TRPM6: variants seen among roughly 807,000 people sequenced by gnomAD.
The protein encoded by TRPM6 is transient receptor potential cation channel subfamily M member 6, also known as channel kinase 2.
TRPM6 carries 111 observed loss-of-function variants against 247.6 expected under a neutral mutation model. That is an observed-to-expected ratio of 0.45 (90% CI 0.38 to 0.52). TRPM6 has a LOEUF of 0.52. TRPM6 is among the 20% of genes least tolerant of loss of function. The pLI is 0.00. For missense variants in TRPM6, 2,126 were observed against 2,421.5 expected, an observed-to-expected ratio of 0.88 and a Z score of 2.56; for synonymous variants, 892 against 853.8, an observed-to-expected ratio of 1.04 and a Z score of -0.78.
intron 1 of TRPM6, among the ~76,000 whole-genome samples, chr9:74,862,850 G>A (rs1028526044): frequency 4.6e-5 from 7 of 151,518 alleles, no homozygotes; most frequent in East Asian, 2.0e-4. Flanking sequence ...ACGTGGTGTC[G>A]GGCGCCTATA....
At chr9:74,812,185 C>A (rs1304555251) in intron 12 of TRPM6, 114 bp downstream of exon 12, 3 of 1,383,884 alleles carry the variant, frequency 2.2e-6, no homozygotes, top group Admixed American at 3.4e-5. Flanking sequence ...ATAGGGAAGT[C>A]CAGCTACTTC....
rs138532903 is a variant in TRPM6 at position 74,724,205 on chromosome 9, G to A, written c.*408C>T. On this transcript the variant is annotated 3_prime_UTR_variant, in exon 39 of 39. Transcript: ENST00000360774. ...ATATAGACATAAATACAATCTGTGG[G>A]TGAGGTGACAAATAGTAGTAGGGGG... 205 of 256,552 alleles carry A rather than the reference G, an allele frequency of 8.0e-4. No homozygotes were observed. Among genetic ancestry groups the A allele is most frequent in the African/African-American group, 4.4e-3 (197 of 45,150 alleles). 15.9% of individuals were successfully genotyped at this position (256,552 alleles called of 1,614,324 possible).
At chr9:74,779,914 CTG>C (rs2118911419) in intron 23 of TRPM6, among the ~76,000 whole-genome samples, 1 of 152,358 alleles carries the variant, frequency 6.6e-6, no homozygotes, top group Non-Finnish European at 1.5e-5. Flanking sequence ...TGGCTCACAC[CTG>C]TAATCCCAGC....
intron 22 of TRPM6, 24 bp from the exon 23 acceptor site, chr9:74,782,500 A>C: frequency 1.9e-6 from 3 of 1,584,098 alleles, no homozygotes; most frequent in Non-Finnish European, 2.6e-6. Context: ...ATTTTAAAAG[A>C]ATGAAAGATA....
intron 11 of TRPM6, among the ~76,000 whole-genome samples, chr9:74,814,449 T>C (rs959833199): frequency 1.3e-5 from 2 of 152,216 alleles, no homozygotes; most frequent in African/African-American, 4.8e-5. Flanking sequence ...TTAAGTATTA[T>C]AATTGGATTG....
chr9:74,861,825 T>G (rs1378224372), intron 1 of TRPM6, among the ~76,000 whole-genome samples: 1 of 152,096 alleles, frequency 6.6e-6, no homozygotes, highest in African/African-American at 2.4e-5. Flanking sequence ...CAAATTTCCC[T>G]CACAGTTCCT....
At chr9:74,868,346 T>C (rs1464925399) in intron 1 of TRPM6, among the ~76,000 whole-genome samples, 1 of 150,770 alleles carries the variant, frequency 6.6e-6, no homozygotes, top group African/African-American at 2.4e-5. Flanking sequence ...AATACAAAAA[T>C]TAGCTGGGCA....
chr9:74,747,987 G>A, intron 30 of TRPM6, 73 bp from the exon 31 acceptor site: 6 of 1,349,620 alleles, frequency 4.4e-6, no homozygotes, highest in Non-Finnish European at 6.3e-6. Flanking sequence ...AAAGGAAACA[G>A]CACATGGAAC....
At chr9:74,836,944 T>A (rs1275970539) in intron 5 of TRPM6, among the ~76,000 whole-genome samples, 2 of 152,242 alleles carry the variant, frequency 1.3e-5, no homozygotes, top group Non-Finnish European at 2.9e-5. Context: ...GAAACTAGAA[T>A]TCATGTCCGT....
intron 37 of TRPM6, among the ~76,000 whole-genome samples, chr9:74,730,980 T>C (rs1587447296): frequency 1.3e-5 from 2 of 152,112 alleles, no homozygotes; most frequent in African/African-American, 2.4e-5. Flanking sequence ...TGGTTGCCCA[T>C]AGAATCACAT....
chr9:74,847,833 G>C (rs1308357512), intron 3 of TRPM6, among the ~76,000 whole-genome samples: 1 of 152,060 alleles, frequency 6.6e-6, no homozygotes, highest in Non-Finnish European at 1.5e-5. Context: ...GATAAATAAT[G>C]AAGTTATGAA....
intron 1 of TRPM6, among the ~76,000 whole-genome samples, chr9:74,879,116 G>T (rs1051414575): frequency 6.6e-6 from 1 of 151,534 alleles, no homozygotes; most frequent in African/African-American, 2.4e-5. Flanking sequence ...ATTGACAAAA[G>T]ACATAAATAT....
Position 74,723,861 on chromosome 9 carries a change from AAT to A in TRPM6, c.*750_*751del, listed in dbSNP as rs377601263. 4.6e-3 allele frequency: 672 copies of A among 146,774 alleles called. 3 individuals carry two copies. The highest frequency in any genetic ancestry group is 0.011 in the Middle Eastern group (3 of 276). 9.1% of individuals were successfully genotyped at this position (146,774 alleles called of 1,614,324 possible). ...TATTCCATATGTATTTTATATATAT[AAT>A]ATATATATTCCATATATATTATATA... On this transcript the variant is annotated 3_prime_UTR_variant, in exon 39 of 39. Transcript: ENST00000360774.
intron 20 of TRPM6, 45 bp downstream of exon 20, chr9:74,788,569 A>G (rs1827776653): frequency 6.2e-7 from 1 of 1,611,584 alleles, no homozygotes; most frequent in Admixed American, 1.7e-5. Context: ...CACCTACAGA[A>G]GCTGAGGACA....
intron 2 of TRPM6, among the ~76,000 whole-genome samples, chr9:74,855,885 G>T (rs1830507045): frequency 6.6e-6 from 1 of 152,084 alleles, no homozygotes; most frequent in Non-Finnish European, 1.5e-5. Context: ...AATTATCAGA[G>T]ATAATAATAT....
At chr9:74,800,222 T>G (rs1012840751) in intron 17 of TRPM6, 32 bp downstream of exon 17, 7 of 1,586,176 alleles carry the variant, frequency 4.4e-6, no homozygotes, top group Non-Finnish European at 5.2e-6. Flanking sequence ...AGACTAACAT[T>G]AAACTCCATA....
At chr9:74,862,071 C>T (rs1019802284) in intron 1 of TRPM6, among the ~76,000 whole-genome samples, 4 of 130,384 alleles carry the variant, frequency 3.1e-5, no homozygotes, top group Non-Finnish European at 4.7e-5. Flanking sequence ...CCTTCAACTC[C>T]GGTTATCTTA....
intron 1 of TRPM6, among the ~76,000 whole-genome samples, chr9:74,883,774 G>T (rs569164044): frequency 4.6e-5 from 7 of 152,290 alleles, no homozygotes; most frequent in Admixed American, 4.6e-4. Context: ...AGAGGTTGAG[G>T]TAAGAGGATC....
At chr9:74,845,697 G>T (rs1248451824) in intron 3 of TRPM6, among the ~76,000 whole-genome samples, 1 of 151,938 alleles carries the variant, frequency 6.6e-6, no homozygotes, top group African/African-American at 2.4e-5. Flanking sequence ...GCCCTGTGTG[G>T]TGGAGCAAGT....
Sources: allele counts gnomAD v4.1 joint callset (sites outside exome capture counted in the v4.1 genomes callset), GRCh38; gene constraint gnomAD v4.1.1; transcripts MANE v1.5; gene names NCBI Gene and HGNC (gene_info 2026-07-23, HGNC 2026-07-21).